STRN: variants seen among roughly 807,000 people sequenced by gnomAD.
STRN encodes protein phosphatase 2 regulatory subunit B'''alpha.
In STRN, 53 loss-of-function variants were observed where a neutral mutation model predicts 96.3. The observed-to-expected ratio is 0.55, with a 90% CI of 0.44 to 0.69. The LOEUF is 0.69. STRN is among the 30% of genes least tolerant of loss of function. The pLI is 0.00. For synonymous variants in STRN, 428 were observed against 355.9 expected (o/e 1.20, Z -2.28); for missense variants, 987 against 963.9 (o/e 1.02, Z -0.32).
intron 1 of STRN, among the ~76,000 whole-genome samples, chr2:36,955,341 G>A (rs1382176684): frequency 6.6e-6 from 1 of 152,164 alleles, no homozygotes; most frequent in African/African-American, 2.4e-5. Flanking sequence ...TCCCTCTGAG[G>A]TAAAATATTC....
intron 10 of STRN, among the ~76,000 whole-genome samples, chr2:36,877,229 A>C (rs1285989382): frequency 1.3e-5 from 2 of 152,230 alleles, no homozygotes; most frequent in Non-Finnish European, 2.9e-5. Flanking sequence ...TGACTAGTGT[A>C]CTAAAGAAGC....
At chr2:36,861,776 CTTT>C (rs760738170) in intron 12 of STRN, among the ~76,000 whole-genome samples, 18 of 151,368 alleles carry the variant, frequency 1.2e-4, no homozygotes, top group African/African-American at 2.4e-4. Context: ...TCTCACAAAA[CTTT>C]TTAACTTTTA....
intron 3 of STRN, among the ~76,000 whole-genome samples, chr2:36,906,583 A>G (rs1027729460): frequency 2.0e-4 from 30 of 152,180 alleles, no homozygotes; most frequent in African/African-American, 7.0e-4. Flanking sequence ...GAGCAGATAT[A>G]TAACAACCTC....
chr2:36,915,459 A>G (rs1480250335), intron 3 of STRN, among the ~76,000 whole-genome samples: 5 of 151,706 alleles, frequency 3.3e-5, no homozygotes, highest in African/African-American at 4.8e-5. Flanking sequence ...AATTATATCT[A>G]TATTTCTTAA....
At chr2:36,934,685 T>G (rs1460619364) in intron 1 of STRN, among the ~76,000 whole-genome samples, 1 of 152,232 alleles carries the variant, frequency 6.6e-6, no homozygotes, top group Non-Finnish European at 1.5e-5. Flanking sequence ...AAGCCCAAAC[T>G]CTTCCCAACG....
intron 12 of STRN, among the ~76,000 whole-genome samples, chr2:36,863,929 G>A (rs1322612104): frequency 6.6e-6 from 1 of 152,150 alleles, no homozygotes; most frequent in Non-Finnish European, 1.5e-5. Context: ...CTGTAAATGA[G>A]ACTGCATTCT....
intron 1 of STRN, among the ~76,000 whole-genome samples, chr2:36,944,564 T>C (rs971992917): frequency 6.6e-6 from 1 of 152,226 alleles, no homozygotes; most frequent in Admixed American, 6.5e-5. Context: ...AACTTACAAG[T>C]ATAGATTTAT....
At chr2:36,965,291 G>A (rs1281762911) in intron 1 of STRN, among the ~76,000 whole-genome samples, 2 of 152,212 alleles carry the variant, frequency 1.3e-5, no homozygotes, top group Non-Finnish European at 2.9e-5. Flanking sequence ...TGAAATTGGT[G>A]TGTATGCCCT....
Position 36,849,415 on chromosome 2 carries a change from A to C in STRN, c.*41T>G, listed in dbSNP as rs1308561962. Reference sequence around the variant, plus strand: ...CTTCTGTATCTCTTGTGTGCAGTTGATTACTTATAAACAGCTAGAAGGTGA... The same window carrying C: ...CTTCTGTATCTCTTGTGTGCAGTTGCTTACTTATAAACAGCTAGAAGGTGA... On this transcript the variant is annotated 3_prime_UTR_variant, in exon 18 of 18. Coordinates refer to ENST00000263918, the MANE Select transcript of STRN (RefSeq NM_003162.4). 6 of 1,605,104 alleles carry C rather than the reference A, an allele frequency of 3.7e-6. No homozygotes were observed. In the African/African-American group the frequency reaches 8.0e-5, roughly 22 times the overall value.
chr2:36,909,925 C>A (rs1012473706), intron 3 of STRN, among the ~76,000 whole-genome samples: 6 of 152,156 alleles, frequency 3.9e-5, no homozygotes, highest in Non-Finnish European at 8.8e-5. Context: ...GTAATCCCAG[C>A]ACTTTGGGAG....
At chr2:36,875,327 T>C (rs1055415916) in intron 10 of STRN, among the ~76,000 whole-genome samples, 2 of 151,798 alleles carry the variant, frequency 1.3e-5, no homozygotes, top group African/African-American at 2.4e-5. Flanking sequence ...CTGGGCAGTA[T>C]AGCAAGATCC....
chr2:36,953,801 A>T (rs1461374656), intron 1 of STRN, among the ~76,000 whole-genome samples: 1 of 152,210 alleles, frequency 6.6e-6, no homozygotes, highest in Admixed American at 6.5e-5. Flanking sequence ...TTAACATATT[A>T]TTCTGTTCTA....
Position 36,957,742 on chromosome 2 carries a change from G to GTTTTTTTT in STRN, c.234+8487_234+8488insAAAAAAAA, listed in dbSNP as rs1158709835. Among the ~76,000 whole-genome samples the GTTTTTTTT allele has an allele frequency of 2.5e-3, 259 of 103,076 alleles. 42 individuals carry two copies. Among genetic ancestry groups the GTTTTTTTT allele is most frequent in the Non-Finnish European group, 3.3e-3 (172 of 51,618 alleles). The allele number at this position is 103,076 out of a possible 152,430, so 67.6% of individuals were successfully genotyped here. ...GATTAGTCTCATAGTTCTTCTTTTT[G>GTTTTTTTT]TCTTTTTTTTTTTTTTTTTTTTTTT... On this transcript the variant is annotated intron_variant, in intron 1 of 17. Coordinates refer to ENST00000263918, the MANE Select transcript of STRN (RefSeq NM_003162.4).
intron 1 of STRN, among the ~76,000 whole-genome samples, chr2:36,944,265 T>C (rs374673482): frequency 6.6e-6 from 1 of 152,204 alleles, no homozygotes; most frequent in African/African-American, 2.4e-5. Context: ...GAAAAAACGT[T>C]ATAAAGAAGG....
At chr2:36,965,804 C>A (rs934617020) in intron 1 of STRN, among the ~76,000 whole-genome samples, 1 of 152,182 alleles carries the variant, frequency 6.6e-6, no homozygotes, top group African/African-American at 2.4e-5. Context: ...AAGAGAGGGG[C>A]CAAAGCCGGC....
At chr2:36,901,896 T>C (rs1363917536) in intron 5 of STRN, among the ~76,000 whole-genome samples, 1 of 152,184 alleles carries the variant, frequency 6.6e-6, no homozygotes, top group East Asian at 1.9e-4. Flanking sequence ...TTAAAACCAT[T>C]CTTCCTTCCT....
chr2:36,927,164 T>G (rs1397724832), intron 1 of STRN, among the ~76,000 whole-genome samples: 2 of 152,014 alleles, frequency 1.3e-5, no homozygotes, highest in African/African-American at 4.8e-5. Flanking sequence ...TACCATAAAG[T>G]CTTTACTGTA....
chr2:36,869,159 A>G (rs1668703512), intron 11 of STRN, among the ~76,000 whole-genome samples: 1 of 152,170 alleles, frequency 6.6e-6, no homozygotes, highest in African/African-American at 2.4e-5. Flanking sequence ...CCATCTCATA[A>G]GTCTAAATCT....
At chr2:36,945,640 G>A (rs966519890) in intron 1 of STRN, among the ~76,000 whole-genome samples, 4 of 151,908 alleles carry the variant, frequency 2.6e-5, no homozygotes, top group East Asian at 1.9e-4. Flanking sequence ...ACTCCAGCCC[G>A]GGCGACAGTG....
Sources: allele counts gnomAD v4.1 joint callset (sites outside exome capture counted in the v4.1 genomes callset), GRCh38; gene constraint gnomAD v4.1.1; transcripts MANE v1.5; gene names NCBI Gene and HGNC (gene_info 2026-07-23, HGNC 2026-07-21).